The following GAP43 variants were observed in gnomAD, a reference collection of about 807,000 sequenced individuals.
GAP43 encodes neuromodulin.
In GAP43, 6 loss-of-function variants were observed where a neutral mutation model predicts 18.6. That is an observed-to-expected ratio of 0.32 (90% CI 0.18 to 0.64). The LOEUF is 0.64. Among genes scored for constraint, GAP43 ranks in the 30% least tolerant of loss-of-function variants. The pLI is 0.78. For synonymous variants in GAP43, 115 were observed against 111.4 expected (o/e 1.03, Z -0.20); for missense variants, 292 against 295.5 (o/e 0.99, Z 0.09).
chr3:115,624,396 A>G (rs774362559), intron 1 of GAP43, among the ~76,000 whole-genome samples: 2 of 151,872 alleles, frequency 1.3e-5, no homozygotes, highest in Admixed American at 6.5e-5. Flanking sequence ...TCAGCAGCCG[A>G]TTGTGCACCA....
intron 1 of GAP43, among the ~76,000 whole-genome samples, chr3:115,657,895 T>G (rs1298920823): frequency 6.6e-6 from 1 of 152,200 alleles, no homozygotes; most frequent in East Asian, 1.9e-4. Context: ...GGTATTAATC[T>G]GATTAACCAA....
At chr3:115,649,493 G>A (rs1234162291) in intron 1 of GAP43, among the ~76,000 whole-genome samples, 1 of 152,094 alleles carries the variant, frequency 6.6e-6, no homozygotes, top group Non-Finnish European at 1.5e-5. Flanking sequence ...GGGAATAATA[G>A]AGAAGGGAAG....
chr3:115,707,977 A>G (rs1257382134), intron 2 of GAP43, among the ~76,000 whole-genome samples: 3 of 150,346 alleles, frequency 2.0e-5, no homozygotes, highest in Admixed American at 6.7e-5. Flanking sequence ...CATTCAAGAT[A>G]TATATATCGG....
intron 1 of GAP43, among the ~76,000 whole-genome samples, chr3:115,652,075 G>A (rs944382956): frequency 3.3e-5 from 5 of 152,028 alleles, no homozygotes; most frequent in Admixed American, 2.0e-4. Flanking sequence ...TATATTTCCT[G>A]TACTAAGATG....
intron 2 of GAP43, among the ~76,000 whole-genome samples, chr3:115,684,994 G>GA (rs1709015424): frequency 6.6e-6 from 1 of 152,174 alleles, no homozygotes; most frequent in South Asian, 2.1e-4. Context: ...ACCTTCAGTG[G>GA]AAAAAGTAGC....
At chr3:115,713,221 T>TAATA (rs1470984480) in intron 2 of GAP43, among the ~76,000 whole-genome samples, 1 of 152,192 alleles carries the variant, frequency 6.6e-6, no homozygotes, top group Non-Finnish European at 1.5e-5. Flanking sequence ...TGATGATGCT[T>TAATA]AATATTCAAG....
intron 1 of GAP43, among the ~76,000 whole-genome samples, chr3:115,626,249 C>G (rs566057463): frequency 1.3e-5 from 2 of 152,224 alleles, no homozygotes; most frequent in African/African-American, 4.8e-5. Flanking sequence ...AAAACAAGGG[C>G]AAAAACCTGC....
intron 1 of GAP43, among the ~76,000 whole-genome samples, chr3:115,632,588 A>G (rs897232164): frequency 2.0e-5 from 3 of 152,198 alleles, no homozygotes; most frequent in African/African-American, 7.2e-5. Flanking sequence ...AGAATTCTAC[A>G]AACCAAAGAA....
intron 2 of GAP43, among the ~76,000 whole-genome samples, chr3:115,696,144 C>T (rs895452214): frequency 2.0e-5 from 3 of 152,014 alleles, no homozygotes; most frequent in Non-Finnish European, 4.4e-5. Context: ...CCACTCCAGA[C>T]AATTGCTTAC....
intron 1 of GAP43, among the ~76,000 whole-genome samples, chr3:115,637,550 A>G (rs751834408): frequency 4.1e-4 from 63 of 151,854 alleles, no homozygotes; most frequent in South Asian, 6.2e-4. Flanking sequence ...TTTTCTACCA[A>G]CCTCTGAAAA....
At chr3:115,663,935 T>C (rs1349896661) in intron 1 of GAP43, 1 of 1,551,394 alleles carries the variant, frequency 6.4e-7, no homozygotes, top group South Asian at 1.2e-5. Flanking sequence ...ACCTCACATG[T>C]AACCTATACA....
chr3:115,692,854 T>C (rs1056375848), intron 2 of GAP43, among the ~76,000 whole-genome samples: 2 of 152,244 alleles, frequency 1.3e-5, no homozygotes, highest in Non-Finnish European at 2.9e-5. Flanking sequence ...TATTTCAGCA[T>C]ACCTGTTAAA....
At chr3:115,704,393 T>C (rs1003267339) in intron 2 of GAP43, among the ~76,000 whole-genome samples, 4 of 152,106 alleles carry the variant, frequency 2.6e-5, no homozygotes, top group African/African-American at 2.4e-5. Context: ...CTATGAAGCC[T>C]ACCATAATCA....
chr3:115,692,741 A>G (rs1011116470), intron 2 of GAP43, among the ~76,000 whole-genome samples: 8 of 152,142 alleles, frequency 5.3e-5, no homozygotes, highest in African/African-American at 1.9e-4. Context: ...TAAAGTTTTT[A>G]CTTCACCATA....
chr3:115,712,188 G>T (rs1218415663), intron 2 of GAP43, among the ~76,000 whole-genome samples: 2 of 152,000 alleles, frequency 1.3e-5, no homozygotes, highest in Non-Finnish European at 2.9e-5. Flanking sequence ...ACTGTCTTTT[G>T]TTCTATAGAC....
intron 2 of GAP43, among the ~76,000 whole-genome samples, chr3:115,718,310 C>T (rs1422152080): frequency 6.6e-6 from 1 of 152,102 alleles, no homozygotes; most frequent in Non-Finnish European, 1.5e-5. Context: ...CTTGTAATAT[C>T]CAAAGGTTTG....
At chr3:115,666,364 A>G (rs1486473521) in intron 1 of GAP43, among the ~76,000 whole-genome samples, 2 of 152,258 alleles carry the variant, frequency 1.3e-5, no homozygotes. Flanking sequence ...TAGCTTTTCC[A>G]CCCTCTGAGT....
intron 2 of GAP43, among the ~76,000 whole-genome samples, chr3:115,691,441 T>G (rs1376169653): frequency 6.6e-6 from 1 of 152,200 alleles, no homozygotes; most frequent in South Asian, 2.1e-4. Context: ...TGAAATAAAA[T>G]ATCCTCATTG....
chr3:115,720,161 C>T (rs1242661509), intron 2 of GAP43, among the ~76,000 whole-genome samples: 1 of 152,096 alleles, frequency 6.6e-6, no homozygotes, highest in African/African-American at 2.4e-5. Context: ...CTCCACCATC[C>T]TTAGTGTATA....
Sources: allele counts gnomAD v4.1 joint callset (sites outside exome capture counted in the v4.1 genomes callset), GRCh38; gene constraint gnomAD v4.1.1; transcripts MANE v1.5; gene names NCBI Gene and HGNC (gene_info 2026-07-23, HGNC 2026-07-21).